Variants in NLRP5 observed in about 807,000 individuals in gnomAD.
The protein encoded by NLRP5 is NLR family pyrin domain containing 5.
Under a neutral mutation model 113.1 loss-of-function variants are expected in NLRP5, and 93 were observed. The ratio of observed to expected loss-of-function variants is 0.82; its 90% CI spans 0.70 to 0.98. The LOEUF is 0.98. Among genes scored for constraint, NLRP5 ranks in the 50% least tolerant of loss-of-function variants. The pLI, the probability that NLRP5 is intolerant of heterozygous loss-of-function variation, is 0.00. For missense variants in NLRP5, 1,808 were observed against 1,514.3 expected, an observed-to-expected ratio of 1.19 and a Z score of -3.22; for synonymous variants, 751 against 600.7, an observed-to-expected ratio of 1.25 and a Z score of -3.66.
Position 56,026,962 on chromosome 19 carries a change from C to A in NLRP5, c.729C>A (p.Phe243Leu). Reference sequence around the variant, plus strand: ...ACAAGAGTCACGTGATGACCAAATTCGCTGAGGAGGAGGATGTACGTCGTA... The same window carrying A: ...ACAAGAGTCACGTGATGACCAAATTAGCTGAGGAGGAGGATGTACGTCGTA... The change falls in exon 7 of 15, where the codon TTC becomes TTA. Residue 243 changes from phenylalanine (F) to leucine (L), a missense_variant. Coordinates refer to ENST00000390649, the MANE Select transcript of NLRP5 (RefSeq NM_153447.4). 1.9e-6 allele frequency: 3 copies of A among 1,551,716 alleles called. No homozygotes were observed. Among genetic ancestry groups the A allele is most frequent in the South Asian group, 1.2e-5 (1 of 84,054 alleles).
At chr19:55,987,743 T>C in the NLRP5 span, 3 of 1,134,684 alleles carry the variant, frequency 2.6e-6, no homozygotes, top group African/African-American at 3.0e-5. Context: ...AGAGACAAAA[T>C]GCAAGCTTAG....
At chr19:55,996,380 C>A (rs1376940062), upstream of NLRP5, among the ~76,000 whole-genome samples, 1 of 151,974 alleles carries the variant, frequency 6.6e-6, no homozygotes, top group East Asian at 1.9e-4. Flanking sequence ...ACTTTAAGTT[C>A]TAGGGTACAT....
chr19:56,018,331 A>G (rs1982486386), intron 4 of NLRP5, among the ~76,000 whole-genome samples: 1 of 152,180 alleles, frequency 6.6e-6, no homozygotes, highest in Admixed American at 6.5e-5. Context: ...ATATCCTAAG[A>G]CGAATTTGTA....
intron 6 of NLRP5, among the ~76,000 whole-genome samples, chr19:56,024,566 T>TATAC (rs1982762523): frequency 7.3e-6 from 1 of 137,362 alleles, no homozygotes; most frequent in Non-Finnish European, 1.6e-5. Context: ...TATATGTATA[T>TATAC]ATACACATAT....
In NLRP5 at chr19:56,032,693, G is replaced by T; in HGVS notation, c.2359G>T (p.Asp787Tyr). The T allele has an allele frequency of 1.2e-6, 2 of 1,613,580 alleles. No homozygotes were observed. Among genetic ancestry groups the T allele is most frequent in the Non-Finnish European group, 1.7e-6 (2 of 1,179,758 alleles). The change falls in exon 8 of 15, where the codon GAC becomes TAC. Residue 787 changes from aspartate to tyrosine, a missense_variant. Physicochemically the swap from Asp to Tyr is radical, Grantham distance 160 (BLOSUM62 -3). Coordinates refer to ENST00000390649, the MANE Select transcript of NLRP5 (RefSeq NM_153447.4). ...CACCCACCCACACCTGCGGCAGCTGGACCTGGGCAGCAGCATCCTGACAGA... is the reference window on the plus strand; with the variant it reads ...CACCCACCCACACCTGCGGCAGCTGTACCTGGGCAGCAGCATCCTGACAGA...
chr19:56,045,973 C>T (rs562300628), intron 11 of NLRP5, among the ~76,000 whole-genome samples: 130 of 152,286 alleles, frequency 8.5e-4, no homozygotes, highest in African/African-American at 2.6e-3. Context: ...ATGTGGGTCA[C>T]AGAGGTCACC....
At chr19:56,021,078 G>A (rs1982597676) in intron 6 of NLRP5, among the ~76,000 whole-genome samples, 1 of 151,934 alleles carries the variant, frequency 6.6e-6, no homozygotes, top group African/African-American at 2.4e-5. Flanking sequence ...CACCATATTG[G>A]CCAGGTCGGT....
intron 6 of NLRP5, among the ~76,000 whole-genome samples, chr19:56,021,330 T>C (rs762811879): frequency 1.3e-5 from 2 of 152,214 alleles, no homozygotes; most frequent in Non-Finnish European, 2.9e-5. Context: ...TTTGTTGAGA[T>C]ATAATTAGGA....
At chr19:56,054,420 T>C (rs1455627954) in intron 13 of NLRP5, among the ~76,000 whole-genome samples, 2 of 151,772 alleles carry the variant, frequency 1.3e-5, no homozygotes, top group African/African-American at 4.8e-5. Flanking sequence ...TAGCCAGGTG[T>C]GGTGGCGCAT....
Position 56,031,027 on chromosome 19 carries a change from T to A in NLRP5, c.2277-1584T>A, listed in dbSNP as rs531461701. Among the ~76,000 whole-genome samples, 23 of 152,044 alleles carry A rather than the reference T, an allele frequency of 1.5e-4. No individual in the cohort carries two copies. The South Asian group carries it at 4.8e-3, about 32-fold the overall frequency. On this transcript the variant is annotated intron_variant, in intron 7 of 14. Coordinates refer to ENST00000390649, the MANE Select transcript of NLRP5 (RefSeq NM_153447.4). ...GCGCCCGGCCTCTATTTTTCTTTTA[T>A]TCTTGAGGGCAAACCCATGAGGTTA...
chr19:56,022,962 G>A (rs560255791), intron 6 of NLRP5, among the ~76,000 whole-genome samples: 15 of 152,178 alleles, frequency 9.9e-5, no homozygotes, highest in Non-Finnish European at 2.2e-4. Flanking sequence ...TCAACCTCAG[G>A]TGATCCGCCT....
chr19:56,047,419 T>G (rs1276504797), intron 11 of NLRP5, among the ~76,000 whole-genome samples: 2 of 152,076 alleles, frequency 1.3e-5, no homozygotes, highest in Non-Finnish European at 2.9e-5. Context: ...TCCCAGAGGT[T>G]TTGATAGATT....
In NLRP5 at chr19:56,003,796, C is replaced by T; in HGVS notation, c.143C>T (p.Pro48Leu). Residue 48 changes from proline (P) to leucine (L), a missense_variant, in exon 2 of 15, where the codon CCT becomes CTT. Transcript: ENST00000390649. Reference sequence around the variant, plus strand: ...TTCCCCCAAAACCTGAGCTCTCAGCCTTGTATCAAGATGGAAGGAGACAAA... The same window carrying T: ...TTCCCCCAAAACCTGAGCTCTCAGCTTTGTATCAAGATGGAAGGAGACAAA... 2 of 1,613,952 alleles carry T rather than the reference C, an allele frequency of 1.2e-6. No homozygotes were observed. The highest frequency in any genetic ancestry group is 8.5e-7 in the Non-Finnish European group (1 of 1,179,894).
intron 14 of NLRP5, among the ~76,000 whole-genome samples, chr19:56,061,104 C>A (rs939450478): frequency 1.3e-5 from 2 of 152,204 alleles, no homozygotes; most frequent in Non-Finnish European, 2.9e-5. Flanking sequence ...GCTGTGACAT[C>A]AGCAAGCTCA....
rs1984229822 is a variant in NLRP5 at position 56,058,261 on chromosome 19, TTC to T, written c.3323_3324del (p.Ser1108Ter). ...GCAGGTTGAAGGCATGTGGACTGAC[TTC>T]TGATTGCTGTGAGGCACTCTCCTTG... On this transcript the variant is annotated frameshift_variant, in exon 14 of 15. Transcript: ENST00000390649. LOFTEE classifies it high-confidence loss of function. 4.3e-6 allele frequency: 7 copies of T among 1,613,876 alleles called. No homozygotes were observed. Among genetic ancestry groups the T allele is most frequent in the Non-Finnish European group, 5.9e-6 (7 of 1,179,810 alleles).
chr19:56,017,097 G>A (rs10415031), intron 4 of NLRP5, among the ~76,000 whole-genome samples: 3,223 of 152,190 alleles, frequency 0.021, 99 homozygotes, highest in African/African-American at 0.073. Context: ...GTGAGCCACC[G>A]CGCCCGGCCA....
chr19:56,055,770 C>T (rs990466478), intron 13 of NLRP5, among the ~76,000 whole-genome samples: 3 of 151,626 alleles, frequency 2.0e-5, no homozygotes, highest in Non-Finnish European at 4.4e-5. Context: ...TGGTCTCAAT[C>T]TCCTGACCTC....
intron 7 of NLRP5, among the ~76,000 whole-genome samples, chr19:56,030,079 A>G (rs1983036516): frequency 7.0e-6 from 1 of 142,198 alleles, no homozygotes; most frequent in African/African-American, 2.5e-5. Context: ...GCCTCAAATT[A>G]TCACATGGGG....
At chr19:56,005,862 C>G (rs948926941) in intron 2 of NLRP5, among the ~76,000 whole-genome samples, 5 of 152,198 alleles carry the variant, frequency 3.3e-5, no homozygotes, top group African/African-American at 1.2e-4. Context: ...ATCTGACTCT[C>G]AACCCCACCC....
Sources: allele counts gnomAD v4.1 joint callset (sites outside exome capture counted in the v4.1 genomes callset), GRCh38; gene constraint gnomAD v4.1.1; transcripts MANE v1.5; gene names NCBI Gene and HGNC (gene_info 2026-07-23, HGNC 2026-07-21).